Variants in PTK2B observed in about 807,000 individuals in gnomAD.
PTK2B encodes protein tyrosine kinase 2 beta.
Under a neutral mutation model 142.9 loss-of-function variants are expected in PTK2B, and 71 were observed. The ratio of observed to expected loss-of-function variants is 0.50; its 90% confidence interval spans 0.41 to 0.61. The LOEUF (loss-of-function observed/expected upper bound fraction) is 0.61. PTK2B is among the 20% of genes least tolerant of loss of function. The pLI is 0.00. For synonymous variants in PTK2B, 519 were observed against 503.4 expected, an observed-to-expected ratio of 1.03 and a Z score of -0.42; for missense variants, 1,105 against 1,320.4, an observed-to-expected ratio of 0.84 and a Z score of 2.53.
intron 1 of PTK2B, among the ~76,000 whole-genome samples, chr8:27,326,222 GTGTA>G (rs1443512058): frequency 2.8e-5 from 3 of 106,432 alleles, no homozygotes; most frequent in Non-Finnish European, 5.8e-5. Context: ...GGGAGCTCGT[GTGTA>G]TGTGTGTGTG....
intron 29 of PTK2B, 76 bp from the exon 30 acceptor site, chr8:27,454,455 A>G (rs1812020410): frequency 6.4e-7 from 1 of 1,565,430 alleles, no homozygotes; most frequent in African/African-American, 1.4e-5. Flanking sequence ...CCACCCCAGG[A>G]GAGCTCTTCC....
At chr8:27,345,170 T>G (rs1804641970) in intron 1 of PTK2B, among the ~76,000 whole-genome samples, 1 of 152,120 alleles carries the variant, frequency 6.6e-6, no homozygotes, top group Non-Finnish European at 1.5e-5. Context: ...CAAAAAGGGT[T>G]AGGGAGAGGG....
Position 27,435,768 on chromosome 8 carries a change from C to G in PTK2B, c.1218C>G (p.Pro406=). The change falls in exon 14 of 31, where the codon CCC becomes CCG. Residue 406 remains proline (P), a synonymous_variant. Coordinates refer to ENST00000346049, the MANE Select transcript of PTK2B (RefSeq NM_173176.3). The part of the protein sequence containing the change: ...SIESDIYAEI[P]DETLRRPGGP... ...AGTCAGACATCTACGCAGAGATTCC[C>G]GACGAAACCCTGCGAAGGCCCGGAG... 1.2e-6 allele frequency: 2 copies of G among 1,614,148 alleles called. No homozygotes were observed. Among genetic ancestry groups the G allele is most frequent in the Admixed American group, 1.7e-5 (1 of 60,032 alleles).
rs1396146291 is a variant in PTK2B, at chr8:27,458,024, T to G, written c.2815-270T>G. On this transcript the variant is annotated intron_variant, in intron 30 of 30. Coordinates refer to ENST00000346049, the MANE Select transcript of PTK2B (RefSeq NM_173176.3). ...GATCAGATTCGCATTTTAGAAAGTATGAGGTATGAGGGGATGTTTCCATGA... is the reference window on the plus strand; with the variant it reads ...GATCAGATTCGCATTTTAGAAAGTAGGAGGTATGAGGGGATGTTTCCATGA... Among the ~76,000 whole-genome samples, 10 of 148,356 alleles carry G rather than the reference T, an allele frequency of 6.7e-5. No homozygotes were observed. In the South Asian group the frequency reaches 2.1e-3, roughly 32 times the overall value.
Position 27,436,331 on chromosome 8 carries a change from G to A in PTK2B, c.1324G>A (p.Gly442Ser), listed in dbSNP as rs1810774344. 1 of 1,613,552 alleles carries A rather than the reference G, an allele frequency of 6.2e-7. No individual in the cohort carries two copies. Among genetic ancestry groups the A allele is most frequent in the Non-Finnish European group, 8.5e-7 (1 of 1,179,492 alleles). Residue 442 changes from glycine to serine, a missense_variant, in exon 15 of 31, where the codon GGT becomes AGT. Gly to Ser is a moderately conservative substitution (Grantham distance 56). Coordinates refer to ENST00000346049, the MANE Select transcript of PTK2B (RefSeq NM_173176.3). ...GEGFFGEVYE[G>S]VYTNHKGEKI... ...AGGCTTTTTTGGGGAGGTCTATGAA[G>A]GTGTCTACACAAATCACGTGAGTTC...
intron 1 of PTK2B, among the ~76,000 whole-genome samples, chr8:27,352,645 G>A (rs1372972096): frequency 2.6e-5 from 4 of 152,180 alleles, no homozygotes; most frequent in Admixed American, 2.6e-4. Context: ...CCCGGTGGGA[G>A]GTAATTGAAT....
intron 30 of PTK2B, among the ~76,000 whole-genome samples, chr8:27,454,950 T>C (rs1812059334): frequency 1.0e-5 from 1 of 95,386 alleles, no homozygotes; most frequent in Non-Finnish European, 2.7e-5. Context: ...AACATGGATG[T>C]GTCATAGAAA....
Position 27,458,743 on chromosome 8 carries a change from CAG to C in PTK2B, c.*237_*238del, listed in dbSNP as rs1586379616. 5.2e-6 allele frequency: 3 copies of C among 575,220 alleles called. No homozygotes were observed. Among genetic ancestry groups the C allele is most frequent in the East Asian group, 2.9e-5 (1 of 34,208 alleles). The allele number at this position is 575,220 out of a possible 1,614,324, so 35.6% of individuals were successfully genotyped here. A position where few individuals can be genotyped will look rare whatever the true frequency, so the allele number is the denominator to read the frequency against. On this transcript the variant is annotated 3_prime_UTR_variant, in exon 31 of 31. Coordinates refer to ENST00000346049, the MANE Select transcript of PTK2B (RefSeq NM_173176.3). ...CAGGGTGACGGTGACAAAGATGGCTCAGAGGGGGACTGCTGCTGCCTGGCCAC... is the reference window on the plus strand; with the variant it reads ...CAGGGTGACGGTGACAAAGATGGCTCAGGGGGACTGCTGCTGCCTGGCCAC...
At chr8:27,342,951 G>A (rs928458600) in intron 1 of PTK2B, among the ~76,000 whole-genome samples, 59 of 152,130 alleles carry the variant, frequency 3.9e-4, no homozygotes, top group South Asian at 2.1e-4. Context: ...ACCAGCTCTC[G>A]AAACGCACCT....
intron 1 of PTK2B, among the ~76,000 whole-genome samples, chr8:27,325,995 C>T (rs943123567): frequency 6.6e-6 from 1 of 152,122 alleles, no homozygotes; most frequent in Admixed American, 6.5e-5. Flanking sequence ...TGTGAGGGCA[C>T]AGCCAGGCTG....
chr8:27,356,913 G>A (rs1204499252), intron 1 of PTK2B, among the ~76,000 whole-genome samples: 4 of 152,154 alleles, frequency 2.6e-5, no homozygotes, highest in South Asian at 2.1e-4. Flanking sequence ...GTGGTGGCAC[G>A]AATGTGTCTA....
In PTK2B at chr8:27,453,083, T is replaced by C. The variant is rs1321620203; in HGVS notation, c.2549-31T>C. 11 of 1,612,840 alleles carry C rather than the reference T, an allele frequency of 6.8e-6. No individual in the cohort carries two copies. In the African/African-American group the frequency reaches 9.3e-5, roughly 14 times the overall value. Reference sequence around the variant, plus strand: ...AGGGAAGGGTTGGAGTGCTGAGAACTGCCCCCCACTTGCTGTTCTTTTTAT... The same window carrying C: ...AGGGAAGGGTTGGAGTGCTGAGAACCGCCCCCCACTTGCTGTTCTTTTTAT... On this transcript the variant is annotated intron_variant, in intron 27 of 30. Transcript: ENST00000346049.
intron 1 of PTK2B, among the ~76,000 whole-genome samples, chr8:27,347,048 C>G (rs1300105244): frequency 6.6e-6 from 1 of 152,142 alleles, no homozygotes; most frequent in African/African-American, 2.4e-5. Context: ...TCTGGCTCTC[C>G]ACTTCTGGAT....
At chr8:27,311,039 G>A (rs1349215086), upstream of PTK2B, 3 of 1,600,752 alleles carry the variant, frequency 1.9e-6, no homozygotes, top group Non-Finnish European at 1.7e-6. Flanking sequence ...CAGGTCGGCG[G>A]GTGACGCGCG....
Position 27,454,148 on chromosome 8 carries a change from C to G in PTK2B, c.2596-6C>G. 6.2e-7 allele frequency: 1 copy of G among 1,614,022 alleles called. No individual in the cohort carries two copies. The highest frequency in any genetic ancestry group is 8.5e-7 in the Non-Finnish European group (1 of 1,179,990). ...AACTCACTGGCCACCTGCGTCTTCCCCTCAGTCCATCCAGCCCACAGCTAA... is the reference window on the plus strand; with the variant it reads ...AACTCACTGGCCACCTGCGTCTTCCGCTCAGTCCATCCAGCCCACAGCTAA... On this transcript the variant is annotated splice_polypyrimidine_tract_variant and splice_region_variant and intron_variant, in intron 28 of 30. Transcript: ENST00000346049.
At chr8:27,434,702 T>A in intron 13 of PTK2B, 143 bp downstream of exon 13, 2 of 993,174 alleles carry the variant, frequency 2.0e-6, no homozygotes, top group Non-Finnish European at 2.9e-6. Flanking sequence ...GTGATGGCTT[T>A]AAAATATCGT....
Position 27,436,260 on chromosome 8 carries a change from A to G in PTK2B, c.1253A>G (p.Tyr418Cys). 1 of 1,614,162 alleles carries G rather than the reference A, an allele frequency of 6.2e-7. No homozygotes were observed. The highest frequency in any genetic ancestry group is 8.5e-7 in the Non-Finnish European group (1 of 1,180,020). The change falls in exon 15 of 31, where the codon TAT becomes TGT. Residue 418 changes from tyrosine (Y) to cysteine (C), a missense_variant. Coordinates refer to ENST00000346049, the MANE Select transcript of PTK2B (RefSeq NM_173176.3). ...ETLRRPGGPQYGIAREDVVLN... is the reference protein window; with the variant it reads ...ETLRRPGGPQCGIAREDVVLN... ...TTCTCTGTCTGTGCAGGTCCACAGT[A>G]TGGCATTGCCCGTGAAGATGTGGTC... is the stretch of plus-strand genomic sequence containing the variant.
chr8:27,404,352 C>G (rs977865412), intron 2 of PTK2B, among the ~76,000 whole-genome samples: 1 of 152,138 alleles, frequency 6.6e-6, no homozygotes, highest in African/African-American at 2.4e-5. Flanking sequence ...TCAGAGGTGC[C>G]GATGGAGTCC....
At chr8:27,390,928 G>A (rs1049843072) in intron 1 of PTK2B, among the ~76,000 whole-genome samples, 51 of 152,178 alleles carry the variant, frequency 3.4e-4, no homozygotes, top group African/African-American at 1.2e-3. Context: ...TCACACTCAC[G>A]TAATGGCCCA....
Sources: allele counts gnomAD v4.1 joint callset (sites outside exome capture counted in the v4.1 genomes callset), GRCh38; gene constraint gnomAD v4.1.1; transcripts MANE v1.5; gene names NCBI Gene and HGNC (gene_info 2026-07-23, HGNC 2026-07-21).